The following SERGEF variants were observed in gnomAD, a reference collection of about 807,000 sequenced individuals.
SERGEF encodes the protein secretion-regulating guanine nucleotide exchange factor.
SERGEF carries 51 observed loss-of-function variants against 50.0 expected under a neutral mutation model. The observed-to-expected ratio is 1.02, with a 90% CI of 0.81 to 1.29. The LOEUF is 1.29. Among genes scored for constraint, SERGEF ranks in the 50% most tolerant of loss-of-function variants. SERGEF has a pLI of 0.00. For synonymous variants in SERGEF, 205 were observed against 212.4 expected, an observed-to-expected ratio of 0.97 and a Z score of 0.30; for missense variants, 521 against 557.0, an observed-to-expected ratio of 0.94 and a Z score of 0.65.
intron 9 of SERGEF, among the ~76,000 whole-genome samples, chr11:17,941,022 A>G (rs1450731939): frequency 6.6e-6 from 1 of 152,256 alleles, no homozygotes; most frequent in Non-Finnish European, 1.5e-5. Context: ...AAAAGCTTAA[A>G]TAATTGTACA....
intron 9 of SERGEF, among the ~76,000 whole-genome samples, chr11:17,940,592 T>TTC (rs964917165): frequency 6.6e-6 from 1 of 152,062 alleles, no homozygotes; most frequent in African/African-American, 2.4e-5. Context: ...CAGTCTTTTT[T>TTC]TCTCTCTCTC....
At chr11:17,872,046 T>C (rs929825248) in intron 10 of SERGEF, among the ~76,000 whole-genome samples, 3 of 152,232 alleles carry the variant, frequency 2.0e-5, no homozygotes, top group Admixed American at 6.5e-5. Context: ...AGTTGTGGTA[T>C]ATTTATACAG....
chr11:17,901,535 C>A (rs1034242136), intron 9 of SERGEF, among the ~76,000 whole-genome samples: 1 of 152,230 alleles, frequency 6.6e-6, no homozygotes, highest in Non-Finnish European at 1.5e-5. Flanking sequence ...CCAAAGTGGA[C>A]TGTAAACTAA....
At chr11:17,934,926 G>A (rs1852422214) in intron 9 of SERGEF, among the ~76,000 whole-genome samples, 1 of 151,856 alleles carries the variant, frequency 6.6e-6, no homozygotes, top group African/African-American at 2.4e-5. Context: ...TCAAAGACAT[G>A]ACCCAGGTCC....
intron 9 of SERGEF, chr11:17,918,711 G>T (rs549070098): frequency 4.4e-6 from 2 of 454,970 alleles, no homozygotes; most frequent in East Asian, 7.0e-5. Flanking sequence ...GAAGTTCAGA[G>T]AATGAAGTGA....
chr11:17,896,790 G>C (rs1851646441), intron 9 of SERGEF, among the ~76,000 whole-genome samples: 1 of 114,950 alleles, frequency 8.7e-6, no homozygotes, highest in Non-Finnish European at 1.9e-5. Context: ...GGTAAGGGAA[G>C]GGTAAGGGAA....
rs138556058 is a variant in SERGEF at position 17,839,522 on chromosome 11, A to G, written c.1048+38686T>C. Among the ~76,000 whole-genome samples the G allele has an allele frequency of 4.6e-5, 7 of 152,284 alleles. No individual in the cohort carries two copies. In the East Asian group the frequency reaches 1.2e-3, roughly 25 times the overall value. On this transcript the variant is annotated intron_variant, in intron 10 of 10. Coordinates refer to ENST00000265965, the MANE Select transcript of SERGEF (RefSeq NM_012139.4). ...AGACTGAGTTCTTTGGGGAAACTTA[A>G]GATGGGTGGGCTGTTTGCTGAGCTG...
intron 10 of SERGEF, among the ~76,000 whole-genome samples, chr11:17,837,943 G>A (rs1850433019): frequency 1.3e-5 from 2 of 152,132 alleles, no homozygotes; most frequent in Admixed American, 6.5e-5. Context: ...GGGATTACAG[G>A]CGTGAGCCAC....
At chr11:17,878,051 G>C in intron 10 of SERGEF, 157 bp downstream of exon 10, 2 of 614,142 alleles carry the variant, frequency 3.3e-6, no homozygotes, top group Non-Finnish European at 5.8e-6. Flanking sequence ...GGAGCTTCTA[G>C]TAAACCCTTG....
At chr11:17,943,652 T>C (rs1478159723) in intron 9 of SERGEF, among the ~76,000 whole-genome samples, 2 of 152,366 alleles carry the variant, frequency 1.3e-5, no homozygotes, top group Non-Finnish European at 2.9e-5. Flanking sequence ...CCTTAAGCAG[T>C]TGAATTTAGT....
chr11:17,966,447 C>A (rs976314481), intron 8 of SERGEF, among the ~76,000 whole-genome samples: 1 of 152,094 alleles, frequency 6.6e-6, no homozygotes, highest in Admixed American at 6.5e-5. Context: ...AATGAGAGAA[C>A]CGCAACAGAT....
At chr11:17,868,301 T>A (rs1161768685) in intron 10 of SERGEF, among the ~76,000 whole-genome samples, 2 of 152,196 alleles carry the variant, frequency 1.3e-5, no homozygotes, top group Non-Finnish European at 2.9e-5. Flanking sequence ...TCTCTCAAGT[T>A]CAAAGTTCCA....
intron 9 of SERGEF, among the ~76,000 whole-genome samples, chr11:17,897,236 C>G (rs1851664476): frequency 6.6e-6 from 1 of 152,146 alleles, no homozygotes; most frequent in South Asian, 2.1e-4. Flanking sequence ...ACAGGGACCT[C>G]AGTCCTATAA....
rs745597561 is a variant in SERGEF at position 18,006,753 on chromosome 11, A to C, written c.197-7T>G. ...ACAAAGAGGTCTCCTCCATCTGCAA[A>C]ATATAAAGGCATCAGTGATAGCGTG... On this transcript the variant is annotated splice_polypyrimidine_tract_variant and splice_region_variant and intron_variant, in intron 2 of 10. Transcript: ENST00000265965. 6.2e-7 allele frequency: 1 copy of C among 1,613,980 alleles called. No individual in the cohort carries two copies. Among genetic ancestry groups the C allele is most frequent in the South Asian group, 1.1e-5 (1 of 91,038 alleles).
chr11:17,858,839 G>C (rs1850871488), intron 10 of SERGEF, among the ~76,000 whole-genome samples: 1 of 152,090 alleles, frequency 6.6e-6, no homozygotes, highest in African/African-American at 2.4e-5. Context: ...CCCTTGGAGA[G>C]GGTGAATTGG....
chr11:17,825,669 T>C (rs991610517), intron 10 of SERGEF, among the ~76,000 whole-genome samples: 1 of 152,198 alleles, frequency 6.6e-6, no homozygotes, highest in Non-Finnish European at 1.5e-5. Context: ...ATGCTTTTGG[T>C]TTCCTACTTT....
intron 8 of SERGEF, among the ~76,000 whole-genome samples, chr11:17,983,774 A>C (rs1853540439): frequency 6.6e-6 from 1 of 151,694 alleles, no homozygotes; most frequent in South Asian, 2.1e-4. Context: ...ATGACTAGTC[A>C]GCAATGTCAA....
At chr11:18,012,652 G>C in intron 1 of SERGEF, 1 of 1,169,626 alleles carries the variant, frequency 8.5e-7, no homozygotes, top group Non-Finnish European at 1.1e-6. Context: ...TATTCGGGCT[G>C]GAGGGCTCTC....
At chr11:17,875,201 G>A (rs886388239) in intron 10 of SERGEF, among the ~76,000 whole-genome samples, 9 of 152,196 alleles carry the variant, frequency 5.9e-5, no homozygotes, top group African/African-American at 1.7e-4. Flanking sequence ...ACAGAATAGA[G>A]GAGCAGTTTT....
Sources: allele counts gnomAD v4.1 joint callset (sites outside exome capture counted in the v4.1 genomes callset), GRCh38; gene constraint gnomAD v4.1.1; transcripts MANE v1.5; gene names NCBI Gene and HGNC (gene_info 2026-07-23, HGNC 2026-07-21).